Variants in POM121 observed in about 807,000 individuals in gnomAD.
The protein encoded by POM121 is nuclear envelope pore membrane protein POM 121.
Under a neutral mutation model 81.3 loss-of-function variants are expected in POM121, and 32 were observed. The ratio of observed to expected loss-of-function variants is 0.39; its 90% CI spans 0.30 to 0.53. POM121 has a LOEUF of 0.53. Among genes scored for constraint, POM121 ranks in the 20% least tolerant of loss-of-function variants. The probability of loss-of-function intolerance (pLI) is 0.66; values close to 1 mark genes in which losing one functional copy is unlikely to be tolerated. For missense variants in POM121, 1,138 were observed against 1,614.6 expected, an observed-to-expected ratio of 0.70 and a Z score of 5.06; for synonymous variants, 514 against 694.2, an observed-to-expected ratio of 0.74 and a Z score of 4.08.
At chr7:72,926,173 A>G in intron 1 of POM121, 89 bp from the exon 2 acceptor site, 1 of 1,325,888 alleles carries the variant, frequency 7.5e-7, no homozygotes, top group Non-Finnish European at 1.0e-6. Context: ...GTTCTTTGGA[A>G]AATGTCTGAA....
chr7:72,948,053 A>C lies in POM121; in HGVS notation c.*1819A>C. 2 of 1,260,230 alleles carry C rather than the reference A, an allele frequency of 1.6e-6. No homozygotes were observed. Among genetic ancestry groups the C allele is most frequent in the East Asian group, 3.9e-5 (1 of 25,778 alleles). 78.1% of individuals were successfully genotyped at this position (1,260,230 alleles called of 1,614,324 possible). The stretch of plus-strand genomic sequence containing the variant: ...TCTACCTGTACCTTATGTAAGGTAG[A>C]CCCTCCTAGTGTCAGTACCTGAGCT... On this transcript the variant is annotated 3_prime_UTR_variant, in exon 13 of 13. Coordinates refer to ENST00000434423, the MANE Select transcript of POM121 (RefSeq NM_001387691.1).
At chr7:72,948,531 CTT>C (rs782091382), downstream of POM121, 186 of 1,613,392 alleles carry the variant, frequency 1.2e-4, 1 homozygote, top group Non-Finnish European at 1.5e-4. Flanking sequence ...TTTTTGCTCT[CTT>C]CTTTCTCTTT....
Position 72,943,053 on chromosome 7 carries a change from G to T in POM121, c.3060G>T (p.Ala1020=), listed in dbSNP as rs142905898. The T allele has an allele frequency of 6.2e-7, 1 of 1,613,764 alleles. No homozygotes were observed. The highest frequency in any genetic ancestry group is 1.3e-5 in the African/African-American group (1 of 74,940). Residue 1020 remains alanine, a synonymous_variant, in exon 11 of 13, where the codon GCG becomes GCT. Transcript: ENST00000434423. ...CGTCCATGATCAAGGTCGTGCCTGC[G>T]TACGTGCCTACGCCCATCCATCCTA... ...APPSMIKVVP[A]YVPTPIHPIF... is the part of the protein sequence containing the mutation.
downstream of POM121, chr7:72,948,912 C>G (rs1554504097): frequency 6.2e-7 from 1 of 1,612,622 alleles, no homozygotes; most frequent in Non-Finnish European, 8.5e-7. Context: ...CCGGGTTCTG[C>G]TGCAGCGCAT....
At chr7:72,943,841 T>C (rs1400901193) in intron 11 of POM121, among the ~76,000 whole-genome samples, 2 of 152,290 alleles carry the variant, frequency 1.3e-5, no homozygotes, top group African/African-American at 4.8e-5. Flanking sequence ...AGTTCAAGAC[T>C]AGCCTGGACA....
rs1307531084 is a variant in POM121, at chr7:72,926,973, T to A, written c.1022+10T>A. On this transcript the variant is annotated intron_variant, in intron 3 of 12. Coordinates refer to ENST00000434423, the MANE Select transcript of POM121 (RefSeq NM_001387691.1). ...AGGAAAATAAAAGAAGGTAACAGGCTCAGGAGAGTACTAAGCCGGTTTCGC... is the reference window on the plus strand; with the variant it reads ...AGGAAAATAAAAGAAGGTAACAGGCACAGGAGAGTACTAAGCCGGTTTCGC... The A allele has an allele frequency of 6.2e-7, 1 of 1,613,842 alleles. No homozygotes were observed. The highest frequency in any genetic ancestry group is 8.5e-7 in the Non-Finnish European group (1 of 1,179,874).
At chr7:72,923,785 GA>G (rs1554496471), upstream of POM121, among the ~76,000 whole-genome samples, 2 of 150,576 alleles carry the variant, frequency 1.3e-5, no homozygotes, top group East Asian at 3.9e-4. Context: ...ATTTTTAGTA[GA>G]GACGGAGTTT....
intron 3 of POM121, among the ~76,000 whole-genome samples, chr7:72,903,563 AT>A (rs1319402435): frequency 4.6e-5 from 7 of 152,132 alleles, no homozygotes; most frequent in Non-Finnish European, 7.3e-5. Context: ...TTTCTAAACC[AT>A]TTTTGCAAAG....
intron 3 of POM121, among the ~76,000 whole-genome samples, chr7:72,898,983 T>C (rs1379540334): frequency 8.3e-6 from 1 of 119,772 alleles, no homozygotes; most frequent in Non-Finnish European, 1.8e-5. Flanking sequence ...TCTTTTCTTT[T>C]TTTTTTTTTT....
intron 3 of POM121, among the ~76,000 whole-genome samples, chr7:72,906,625 A>ATATT (rs782100603): frequency 3.5e-4 from 53 of 151,718 alleles, no homozygotes; most frequent in South Asian, 8.3e-4. Flanking sequence ...GTGACTATTG[A>ATATT]TATTTATTTA....
chr7:72,928,568 T>G, intron 4 of POM121, 103 bp downstream of exon 4: 1 of 1,383,548 alleles, frequency 7.2e-7, no homozygotes, highest in Non-Finnish European at 1.0e-6. Context: ...CATTGCTTAA[T>G]TGGTTCAGGT....
chr7:72,901,266 G>A (rs1792618260), intron 3 of POM121, among the ~76,000 whole-genome samples: 1 of 149,760 alleles, frequency 6.7e-6, no homozygotes, highest in Admixed American at 6.7e-5. Flanking sequence ...CTGTGCTGGA[G>A]TGCAGTGGTG....
intron 5 of POM121, among the ~76,000 whole-genome samples, chr7:72,933,051 CAAA>C (rs1335219609): frequency 3.1e-4 from 30 of 95,696 alleles, no homozygotes; most frequent in Non-Finnish European, 4.5e-4. Flanking sequence ...GACTCTGTCT[CAAA>C]AAAAAAAAAA....
At chr7:72,881,553 G>A (rs1790156891) in intron 1 of POM121, among the ~76,000 whole-genome samples, 1 of 151,472 alleles carries the variant, frequency 6.6e-6, no homozygotes. Flanking sequence ...CACATTGCAG[G>A]TGAGTTTTCC....
intron 3 of POM121, among the ~76,000 whole-genome samples, chr7:72,897,094 G>A (rs1254264937): frequency 2.4e-4 from 37 of 152,208 alleles, no homozygotes; most frequent in African/African-American, 8.4e-4. Flanking sequence ...TAAGGTTGCA[G>A]TGAGCCGAGA....
chr7:72,884,125 G>T (rs1790440755), intron 1 of POM121, among the ~76,000 whole-genome samples: 1 of 152,078 alleles, frequency 6.6e-6, no homozygotes, highest in Non-Finnish European at 1.5e-5. Context: ...GGCTGGTCTT[G>T]AACTGGGCTC....
downstream of POM121, chr7:72,948,688 A>G (rs1554503951): frequency 3.1e-6 from 5 of 1,598,790 alleles, no homozygotes; most frequent in South Asian, 3.3e-5. Flanking sequence ...CGACCCGTTC[A>G]ATTACAGCAA....
chr7:72,925,804 G>C (rs1450091657), intron 1 of POM121, 39 bp downstream of exon 1: 35 of 1,306,926 alleles, frequency 2.7e-5, no homozygotes, highest in Non-Finnish European at 3.4e-5. Context: ...CCTCTGGCTC[G>C]GCTGGCTTGA....
At chr7:72,922,509 C>G (rs1364116457), upstream of POM121, among the ~76,000 whole-genome samples, 1 of 151,720 alleles carries the variant, frequency 6.6e-6, no homozygotes, top group Admixed American at 6.6e-5. Flanking sequence ...GCCTCAGCCT[C>G]CTGAGTAGTT....
Sources: allele counts gnomAD v4.1 joint callset (sites outside exome capture counted in the v4.1 genomes callset), GRCh38; gene constraint gnomAD v4.1.1; transcripts MANE v1.5; gene names NCBI Gene and HGNC (gene_info 2026-07-23, HGNC 2026-07-21).